The following CCL26 variants were observed in gnomAD, a reference collection of about 807,000 sequenced individuals.
The protein encoded by CCL26 is C-C motif chemokine 26.
A neutral mutation model predicts 10.7 loss-of-function variants in CCL26; 10 were observed. That is an observed-to-expected ratio of 0.93 (90% confidence interval 0.57 to 1.58). The LOEUF (loss-of-function observed/expected upper bound fraction) is 1.58, where lower values mean the gene tolerates loss of function less well. Ranked by LOEUF, CCL26 falls within the 40% of genes most tolerant of loss-of-function variation. The probability of loss-of-function intolerance (pLI) is 0.00; values close to 1 mark genes in which losing one functional copy is unlikely to be tolerated. For missense variants in CCL26, 116 were observed against 111.0 expected (o/e 1.05, Z -0.20); for synonymous variants, 43 against 41.4 (o/e 1.04, Z -0.15).
At chr7:75,775,497 G>A (rs1052799677), upstream of CCL26, among the ~76,000 whole-genome samples, 2 of 152,268 alleles carry the variant, frequency 1.3e-5, no homozygotes, top group African/African-American at 4.8e-5. Context: ...AGGCAGCAAC[G>A]CAAGGGGAGT....
Position 75,769,620 on chromosome 7 carries a change from T to C in CCL26, c.*73A>G. On this transcript the variant is annotated 3_prime_UTR_variant, in exon 3 of 3. Transcript: ENST00000005180. Reference sequence around the variant, plus strand: ...GGGTCCATGTAGCCTTCAGAAAAGATTCCGCAGGCTCCCCAGAGGGCTGCA... The same window carrying C: ...GGGTCCATGTAGCCTTCAGAAAAGACTCCGCAGGCTCCCCAGAGGGCTGCA... 1 of 975,086 alleles carries C rather than the reference T, an allele frequency of 1.0e-6. No homozygotes were observed. Among genetic ancestry groups the C allele is most frequent in the South Asian group, 1.3e-5 (1 of 74,104 alleles). The allele number at this position is 975,086 out of a possible 1,614,324, so 60.4% of individuals were successfully genotyped here. A position where few individuals can be genotyped will look rare whatever the true frequency, so the allele number is the denominator to read the frequency against.
chr7:75,784,512 C>G (rs1412281555), intron 1 of CCL26, among the ~76,000 whole-genome samples: 2 of 152,184 alleles, frequency 1.3e-5, no homozygotes, highest in Admixed American at 6.5e-5. Flanking sequence ...AGGCTACCCA[C>G]TCCACATTAC....
At chr7:75,775,109 A>T (rs1554528576), upstream of CCL26, among the ~76,000 whole-genome samples, 1 of 151,446 alleles carries the variant, frequency 6.6e-6, no homozygotes, top group African/African-American at 2.4e-5. Context: ...AATCCCAGCT[A>T]CTTGGGAGGA....
intron 1 of CCL26, among the ~76,000 whole-genome samples, chr7:75,777,311 T>G (rs1206684827): frequency 6.6e-6 from 1 of 152,128 alleles, no homozygotes; most frequent in Non-Finnish European, 1.5e-5. Flanking sequence ...TTATTTATAA[T>G]AGCTCCAAAC....
Position 75,786,555 on chromosome 7 carries a change from TA to T in CCL26, c.-79+3161del, listed in dbSNP as rs60300449. On this transcript the variant is annotated intron_variant, in intron 1 of 3. Transcript: ENST00000394905. ...TCCTCCATCATTAATGCCTCTTTAA[TA>T]AAAACTCTTCTCAAGGCCGCTTTAC... Among the ~76,000 whole-genome samples the T allele has an allele frequency of 8.0e-3, 1,214 of 152,294 alleles. 17 individuals are homozygous for T. Among genetic ancestry groups the T allele is most frequent in the African/African-American group, 0.027 (1,136 of 41,566 alleles).
At chr7:75,772,665 A>ACAAAC (rs200002859), upstream of CCL26, among the ~76,000 whole-genome samples, 3 of 149,910 alleles carry the variant, frequency 2.0e-5, no homozygotes, top group South Asian at 6.4e-4. Context: ...AAAAAAAAAA[A>ACAAAC]AAACAAACAA....
chr7:75,790,096 T>TCTCC (rs1554530572), upstream of CCL26, among the ~76,000 whole-genome samples: 5 of 141,514 alleles, frequency 3.5e-5, no homozygotes, highest in African/African-American at 1.3e-4. Flanking sequence ...TCCCCAGCTC[T>TCTCC]CTCCCTCCTT....
At chr7:75,790,186 T>TCTTC (rs1803298586), upstream of CCL26, among the ~76,000 whole-genome samples, 1 of 46,178 alleles carries the variant, frequency 2.2e-5, no homozygotes, top group African/African-American at 7.2e-5. Context: ...TTCCTTTCTT[T>TCTTC]CTTTCTTTCT....
At chr7:75,781,802 TA>T in intron 1 of CCL26, among the ~76,000 whole-genome samples, 1 of 152,066 alleles carries the variant, frequency 6.6e-6, no homozygotes, top group South Asian at 2.1e-4. Context: ...CCAAATCCTA[TA>T]AAACAGCCCC....
intron 1 of CCL26, among the ~76,000 whole-genome samples, chr7:75,786,490 T>C (rs1282860877): frequency 6.6e-6 from 1 of 152,144 alleles, no homozygotes; most frequent in East Asian, 1.9e-4. Context: ...TGCGCCACCA[T>C]ACTGTTTTAT....
chr7:75,773,635 G>T (rs11465321), upstream of CCL26, among the ~76,000 whole-genome samples: 1,558 of 152,098 alleles, frequency 0.01, 31 homozygotes, highest in African/African-American at 0.035. Flanking sequence ...CAGCACTTTG[G>T]AAGGCAGAGG....
At chr7:75,778,849 G>GGC (rs1563337659) in intron 1 of CCL26, among the ~76,000 whole-genome samples, 3 of 78,378 alleles carry the variant, frequency 3.8e-5, no homozygotes, top group East Asian at 2.5e-4. Context: ...AGGCCAAGGT[G>GGC]GGGGGGGCAG....
At chr7:75,783,742 G>A (rs185444185) in intron 1 of CCL26, among the ~76,000 whole-genome samples, 8 of 149,262 alleles carry the variant, frequency 5.4e-5, no homozygotes, top group African/African-American at 1.5e-4. Flanking sequence ...AGCTGAGATC[G>A]TGCCACTGCA....
chr7:75,787,776 T>C (rs1252565587), intron 1 of CCL26, among the ~76,000 whole-genome samples: 1 of 146,172 alleles, frequency 6.8e-6, no homozygotes, highest in African/African-American at 2.5e-5. Flanking sequence ...GTAATTACAC[T>C]AAACCCCCTT....
At chr7:75,784,955 T>C (rs908924415) in intron 1 of CCL26, among the ~76,000 whole-genome samples, 1 of 152,202 alleles carries the variant, frequency 6.6e-6, no homozygotes, top group African/African-American at 2.4e-5. Flanking sequence ...AAGCCTGTTA[T>C]TACTCGCCTG....
At chr7:75,778,408 G>GGT (rs782655385) in intron 1 of CCL26, among the ~76,000 whole-genome samples, 1 of 138,528 alleles carries the variant, frequency 7.2e-6, no homozygotes, top group Non-Finnish European at 1.5e-5. Context: ...TTTTGGTGTG[G>GGT]TTTTTTTTTT....
At chr7:75,775,589 G>A (rs1802920044), upstream of CCL26, among the ~76,000 whole-genome samples, 1 of 152,016 alleles carries the variant, frequency 6.6e-6, no homozygotes, top group Admixed American at 6.6e-5. Flanking sequence ...TTAGCGGGTG[G>A]GTCAGGTACC....
chr7:75,775,930 G>A (rs550764775), upstream of CCL26, among the ~76,000 whole-genome samples: 1 of 150,738 alleles, frequency 6.6e-6, no homozygotes, highest in African/African-American at 2.4e-5. Flanking sequence ...CCAAAGTACT[G>A]GGATTACAGC....
intron 1 of CCL26, among the ~76,000 whole-genome samples, chr7:75,779,813 A>G (rs1554529193): frequency 6.6e-6 from 1 of 152,028 alleles, no homozygotes; most frequent in Non-Finnish European, 1.5e-5. Context: ...GCTCACCCAC[A>G]TTGCAGCCCA....
Sources: gnomAD v4.1 joint callset for allele counts (sites outside exome capture counted in the v4.1 genomes callset) on GRCh38, gnomAD v4.1.1 for gene constraint, MANE v1.5 for transcripts, NCBI Gene and HGNC (gene_info 2026-07-23, HGNC 2026-07-21) for gene names.